Variants in COBLL1 observed in about 807,000 individuals in gnomAD.
COBLL1 encodes the protein cordon-bleu WH2 repeat protein like 1, also known as cordon-bleu protein-like 1.
Under a neutral mutation model 94.8 loss-of-function variants are expected in COBLL1, and 50 were observed. That is an observed-to-expected ratio of 0.53 (90% CI 0.42 to 0.67). The LOEUF (loss-of-function observed/expected upper bound fraction) is 0.67, where lower values mean the gene tolerates loss of function less well. Ranked by LOEUF, COBLL1 falls within the 30% of genes least tolerant of loss-of-function variation. COBLL1 has a pLI of 0.00. For missense variants in COBLL1, 1,362 were observed against 1,348.7 expected (o/e 1.01, Z -0.15); for synonymous variants, 448 against 473.8 (o/e 0.95, Z 0.71).
intron 3 of COBLL1, among the ~76,000 whole-genome samples, chr2:164,734,168 A>G (rs1162126460): frequency 2.0e-5 from 3 of 152,092 alleles, no homozygotes; most frequent in African/African-American, 7.2e-5. Context: ...AAGAGAAAAA[A>G]GAAACAAGTA....
intron 3 of COBLL1, among the ~76,000 whole-genome samples, chr2:164,731,181 T>C (rs1558962080): frequency 1.3e-5 from 2 of 152,218 alleles, no homozygotes; most frequent in Admixed American, 6.5e-5. Flanking sequence ...ACCTACTATA[T>C]AGGCATAGCC....
intron 1 of COBLL1, among the ~76,000 whole-genome samples, chr2:164,672,895 G>T (rs1475326771): frequency 6.6e-6 from 1 of 152,000 alleles, no homozygotes; most frequent in Non-Finnish European, 1.5e-5. Flanking sequence ...TAGTAAATTG[G>T]TACATCCCCA....
At chr2:164,666,072 ATATAGT>A (rs1168730012) in intron 1 of COBLL1, among the ~76,000 whole-genome samples, 1 of 152,244 alleles carries the variant, frequency 6.6e-6, no homozygotes, top group African/African-American at 2.4e-5. Context: ...ATTGATCACT[ATATAGT>A]TTATGTATTG....
intron 1 of COBLL1, among the ~76,000 whole-genome samples, chr2:164,669,297 G>T (rs1691211298): frequency 6.6e-6 from 1 of 152,046 alleles, no homozygotes; most frequent in African/African-American, 2.4e-5. Context: ...AATGCTACCT[G>T]GTAATATAAA....
rs1046491830 is a variant in COBLL1, at chr2:164,740,240, G to A, written c.230+3447C>T. 9.8e-4 allele frequency among the ~76,000 whole-genome samples: 149 copies of A among 152,130 alleles called. 1 individual carries two copies. The highest frequency in any genetic ancestry group is 3.6e-3 in the African/African-American group (148 of 41,416). ...TAGCTGGGCATGGTAGCACACGCCT[G>A]TGGTCCTAGCTACTTGGGAGGCTGG... On this transcript the variant is annotated intron_variant, in intron 3 of 13. Coordinates refer to ENST00000652658, the MANE Select transcript of COBLL1 (RefSeq NM_001365672.2).
chr2:164,752,147 T>G (rs1054262098), intron 2 of COBLL1, among the ~76,000 whole-genome samples: 1 of 152,196 alleles, frequency 6.6e-6, no homozygotes, highest in African/African-American at 2.4e-5. Flanking sequence ...TTCTATCCAG[T>G]ATCAACAGCA....
intron 13 of COBLL1, among the ~76,000 whole-genome samples, chr2:164,690,969 C>T (rs557581113): frequency 5.3e-5 from 8 of 152,144 alleles, no homozygotes; most frequent in Non-Finnish European, 1.0e-4. Flanking sequence ...CGATGAAAAA[C>T]CAATTTCAAT....
chr2:164,776,887 C>T (rs978595644), intron 2 of COBLL1, among the ~76,000 whole-genome samples: 5 of 152,010 alleles, frequency 3.3e-5, no homozygotes, highest in East Asian at 1.9e-4. Context: ...AAAATAATTA[C>T]GATAGATATT....
At chr2:164,774,693 G>A (rs538122300) in intron 2 of COBLL1, among the ~76,000 whole-genome samples, 3 of 152,114 alleles carry the variant, frequency 2.0e-5, no homozygotes, top group South Asian at 2.1e-4. Context: ...ACAGCTCTAC[G>A]TACTTTGTAC....
intron 3 of COBLL1, among the ~76,000 whole-genome samples, chr2:164,737,715 A>G (rs935996151): frequency 2.7e-4 from 41 of 152,016 alleles, no homozygotes; most frequent in African/African-American, 9.9e-4. Flanking sequence ...TACTGTTGTT[A>G]CTCTCGTTTT....
At chr2:164,669,906 TTTG>T (rs975280220) in intron 1 of COBLL1, among the ~76,000 whole-genome samples, 15 of 152,222 alleles carry the variant, frequency 9.9e-5, no homozygotes, top group Non-Finnish European at 1.8e-4. Flanking sequence ...AAATTGTCTT[TTTG>T]TTGTTGTTGT....
Position 164,727,187 on chromosome 2 carries a change from G to A in COBLL1, c.661+782C>T. On this transcript the variant is annotated intron_variant, in intron 5 of 13. Transcript: ENST00000652658. ...TAAAAGAGGGTAAATTGACTGTGAA[G>A]ATGATGTTTGTTCAAGTATAAAACA... is the stretch of plus-strand genomic sequence containing the variant. 3.5e-6 allele frequency: 4 copies of A among 1,157,268 alleles called. No individual in the cohort carries two copies. In the South Asian group the frequency reaches 4.6e-5, roughly 13 times the overall value. The allele number at this position is 1,157,268 out of a possible 1,614,324, so 71.7% of individuals were successfully genotyped here.
At chr2:164,675,054 G>T (rs1574391120) in intron 1 of COBLL1, among the ~76,000 whole-genome samples, 1 of 152,164 alleles carries the variant, frequency 6.6e-6, no homozygotes, top group African/African-American at 2.4e-5. Flanking sequence ...ATTTCATTGT[G>T]CTACATTCCT....
At chr2:164,719,111 T>G (rs757800521) in intron 7 of COBLL1, among the ~76,000 whole-genome samples, 5 of 152,018 alleles carry the variant, frequency 3.3e-5, no homozygotes, top group Non-Finnish European at 7.4e-5. Flanking sequence ...TTATACTCTG[T>G]CCTGGATTTC....
chr2:164,719,423 T>C (rs1024637335), intron 7 of COBLL1, among the ~76,000 whole-genome samples: 1 of 152,170 alleles, frequency 6.6e-6, no homozygotes, highest in Non-Finnish European at 1.5e-5. Context: ...AACACAAATG[T>C]ATTCTTCCAC....
Position 164,722,251 on chromosome 2 carries a change from T to C in COBLL1, c.820A>G (p.Asn274Asp). ...GAAATATATGGTTTGGAAATGGTAT[T>C]GGACCTTGTAAAAGTTGGGCGGTGC... is the stretch of plus-strand genomic sequence containing the variant. ...NKHRPTFTRSNTISKPYISNT... is the reference protein window; with the variant it reads ...NKHRPTFTRSDTISKPYISNT... Residue 274 changes from asparagine (N) to aspartate (D), a missense_variant, in exon 7 of 14, where the codon AAT (asparagine) becomes GAT (aspartate). Coordinates refer to ENST00000652658, the MANE Select transcript of COBLL1 (RefSeq NM_001365672.2). 2 of 1,614,086 alleles carry C rather than the reference T, an allele frequency of 1.2e-6. No individual in the cohort carries two copies. The highest frequency in any genetic ancestry group is 1.7e-6 in the Non-Finnish European group (2 of 1,179,962).
intron 2 of COBLL1, among the ~76,000 whole-genome samples, chr2:164,815,906 A>G (rs1684716700): frequency 6.6e-6 from 1 of 152,142 alleles, no homozygotes. Context: ...CGCAAAAAGT[A>G]AAATTTCTTA....
intron 3 of COBLL1, among the ~76,000 whole-genome samples, chr2:164,731,978 C>T (rs931981276): frequency 4.6e-5 from 7 of 152,084 alleles, no homozygotes; most frequent in South Asian, 2.1e-4. Context: ...TCAAACAACA[C>T]GTTACATAGA....
Position 164,694,553 on chromosome 2 carries a change from A to G in COBLL1, c.2839T>C (p.Ser947Pro), listed in dbSNP as rs1206081179. 1.2e-6 allele frequency: 2 copies of G among 1,613,976 alleles called. No individual in the cohort carries two copies. The highest frequency in any genetic ancestry group is 8.5e-7 in the Non-Finnish European group (1 of 1,179,954). Residue 947 changes from serine (S) to proline (P), a missense_variant, in exon 12 of 14, where the codon TCC (serine) becomes CCC (proline). Coordinates refer to ENST00000652658, the MANE Select transcript of COBLL1 (RefSeq NM_001365672.2). ...GGTTTTGGAGCTATGGGAGGAGGGG[A>G]GGCTTCAGCAGGAGCCTGACCGATG... The part of the protein sequence containing the change: ...DVIGQAPAEA[S>P]PPPIAPKPVT...
Sources: allele counts gnomAD v4.1 joint callset (sites outside exome capture counted in the v4.1 genomes callset), GRCh38; gene constraint gnomAD v4.1.1; transcripts MANE v1.5; gene names NCBI Gene and HGNC (gene_info 2026-07-23, HGNC 2026-07-21).